LCOR: variants seen among roughly 807,000 people sequenced by gnomAD.
LCOR encodes ligand-dependent corepressor.
A neutral mutation model predicts 64.4 loss-of-function variants in LCOR; 14 were observed. That is an observed-to-expected ratio of 0.22 (90% CI 0.14 to 0.34). The LOEUF is 0.34. Ranked by LOEUF, LCOR falls within the 10% of genes least tolerant of loss-of-function variation. The pLI is 1.00. For synonymous variants in LCOR, 643 were observed against 642.5 expected, an observed-to-expected ratio of 1.00 and a Z score of -0.01; for missense variants, 1,686 against 1,765.3, an observed-to-expected ratio of 0.96 and a Z score of 0.80.
At chr10:96,859,646 C>T (rs914057029) in intron 2 of LCOR, among the ~76,000 whole-genome samples, 1 of 152,054 alleles carries the variant, frequency 6.6e-6, no homozygotes, top group African/African-American at 2.4e-5. Context: ...CAAACTCTGG[C>T]TTCTAGGTTA....
chr10:96,911,942 T>C (rs1273975378), intron 4 of LCOR, among the ~76,000 whole-genome samples: 1 of 151,896 alleles, frequency 6.6e-6, no homozygotes, highest in African/African-American at 2.4e-5. Flanking sequence ...CTTTCTTTCT[T>C]TTTTTTTGTG....
intron 7 of LCOR, among the ~76,000 whole-genome samples, chr10:96,953,277 C>T (rs1260294951): frequency 2.6e-5 from 4 of 151,918 alleles, no homozygotes; most frequent in South Asian, 2.1e-4. Context: ...TTGAGCCGGG[C>T]GTGGTGGCTC....
intron 7 of LCOR, chr10:96,957,046 G>A: frequency 1.0e-6 from 1 of 985,268 alleles, no homozygotes; most frequent in East Asian, 1.1e-4. Context: ...AAACCCCAAG[G>A]TAACCCGATA....
At chr10:96,966,378 G>A (rs1847951289) in intron 7 of LCOR, among the ~76,000 whole-genome samples, 1 of 151,608 alleles carries the variant, frequency 6.6e-6, no homozygotes, top group Non-Finnish European at 1.5e-5. Context: ...ACAGGCGCCC[G>A]CCAACACGCC....
At position 96,903,803 on chromosome 10, in the gene LCOR, T is replaced by A. The variant is rs149955492; in HGVS notation, c.-329-3462T>A. On this transcript the variant is annotated intron_variant, in intron 2 of 7. Coordinates refer to ENST00000421806, the MANE Select transcript of LCOR (RefSeq NM_001346516.2). ...TGTTTTCGAGAGCTGTGTGATTAAA[T>A]CGGAAGCTAATCAGGCATGTGAAGC... Among the ~76,000 whole-genome samples the A allele has an allele frequency of 1.2e-3, 183 of 152,310 alleles. 1 individual carries two copies. Among genetic ancestry groups the A allele is most frequent in the African/African-American group, 4.2e-3 (175 of 41,574 alleles).
chr10:96,860,086 C>T (rs1845863656), intron 2 of LCOR, among the ~76,000 whole-genome samples: 1 of 152,098 alleles, frequency 6.6e-6, no homozygotes, highest in South Asian at 2.1e-4. Context: ...ATGCTGTTAT[C>T]TAACAGAAAT....
At chr10:96,888,674 T>C (rs1293394307) in intron 2 of LCOR, among the ~76,000 whole-genome samples, 1 of 152,182 alleles carries the variant, frequency 6.6e-6, no homozygotes, top group East Asian at 1.9e-4. Context: ...AAATTTTATT[T>C]TTTAAATTAA....
chr10:96,854,395 G>A (rs776312272), intron 2 of LCOR, among the ~76,000 whole-genome samples: 2 of 152,174 alleles, frequency 1.3e-5, no homozygotes, highest in Admixed American at 6.5e-5. Flanking sequence ...GCGTGATCTC[G>A]GCTCAACCAC....
rs1758138053 is a variant in LCOR at position 96,985,937 on chromosome 10, T to C, written c.*803T>C. 6.0e-6 allele frequency: 1 copy of C among 167,098 alleles called. No individual in the cohort carries two copies. The highest frequency in any genetic ancestry group is 1.5e-5 in the Non-Finnish European group (1 of 68,116). 10.4% of individuals were successfully genotyped at this position (167,098 alleles called of 1,614,324 possible). A position where few individuals can be genotyped will look rare whatever the true frequency, so the allele number is the denominator to read the frequency against. The stretch of plus-strand genomic sequence containing the variant: ...TCATTTCTGGTCTTGCTAGCACTCC[T>C]GCAAGGCTTCCATCCTACTTCGGGA... On this transcript the variant is annotated 3_prime_UTR_variant, in exon 8 of 8. Coordinates refer to ENST00000421806, the MANE Select transcript of LCOR (RefSeq NM_001346516.2).
chr10:96,958,088 T>G (rs1847814014), intron 7 of LCOR: 1 of 1,085,356 alleles, frequency 9.2e-7, no homozygotes, highest in South Asian at 4.4e-5. Context: ...ACTCAAGAAT[T>G]TGTCAGCACA....
intron 4 of LCOR, among the ~76,000 whole-genome samples, chr10:96,937,281 C>CT (rs1326062595): frequency 6.6e-6 from 1 of 152,196 alleles, no homozygotes; most frequent in Non-Finnish European, 1.5e-5. Context: ...AGGAAGGACT[C>CT]TTCTCTAGAC....
intron 2 of LCOR, among the ~76,000 whole-genome samples, chr10:96,841,559 C>A (rs1030782529): frequency 2.0e-5 from 3 of 151,922 alleles, no homozygotes; most frequent in Admixed American, 1.3e-4. Context: ...CGGGGTTTCA[C>A]CATGTTGGCC....
intron 2 of LCOR, among the ~76,000 whole-genome samples, chr10:96,893,916 C>G (rs1355202230): frequency 2.6e-5 from 4 of 152,180 alleles, no homozygotes; most frequent in Admixed American, 1.3e-4. Context: ...TACACTACAA[C>G]AGTGAATGTA....
Position 96,982,783 on chromosome 10 carries a change from G to A in LCOR, c.2323G>A (p.Gly775Arg), listed in dbSNP as rs759186456. The A allele has an allele frequency of 6.2e-6, 10 of 1,613,980 alleles. No homozygotes were observed. In the Admixed American group the frequency reaches 1.3e-4, roughly 22 times the overall value. ...EAAGGIGKLEGEDGDVKCLSE... is the reference protein window; with the variant it reads ...EAAGGIGKLEREDGDVKCLSE... ...AGCAGGTGGTATAGGAAAATTAGAG[G>A]GAGAGGACGGTGATGTAAAATGCCT... The change falls in exon 8 of 8, where the codon GGA becomes AGA. Residue 775 changes from glycine to arginine, a missense_variant. Gly to Arg is a moderately radical substitution (Grantham distance 125). Transcript: ENST00000421806.
Position 96,854,099 on chromosome 10 carries a change from G to A in LCOR, c.-330+20620G>A, listed in dbSNP as rs767913379. On this transcript the variant is annotated intron_variant, in intron 2 of 7. Transcript: ENST00000421806. Reference sequence around the variant, plus strand: ...TATCACCCTGGCATGACAGAAATACGCAAAGAATTTGGAAATAAGCACCTT... The same window carrying A: ...TATCACCCTGGCATGACAGAAATACACAAAGAATTTGGAAATAAGCACCTT... Among the ~76,000 whole-genome samples, 9 of 152,070 alleles carry A rather than the reference G, an allele frequency of 5.9e-5. No homozygotes were observed. In the South Asian group the frequency reaches 8.3e-4, roughly 14 times the overall value.
chr10:96,960,084 T>G (rs913751509), intron 7 of LCOR: 1 of 152,188 alleles, frequency 6.6e-6, no homozygotes, highest in African/African-American at 2.4e-5. Flanking sequence ...AGTTCCCAAG[T>G]TTTGGAGAGA....
At position 96,892,332 on chromosome 10, in the gene LCOR, TA is replaced by T. The variant is rs1846459533; in HGVS notation, c.-329-14931del. Among the ~76,000 whole-genome samples, 3 of 152,210 alleles carry T rather than the reference TA, an allele frequency of 2.0e-5. No homozygotes were observed. In the South Asian group the frequency reaches 6.2e-4, roughly 31 times the overall value. The stretch of plus-strand genomic sequence containing the variant: ...TTCTTGATTGACTCTTATCATTATA[TA>T]ATGTCCTTTGTCTTTTTAAGTAGTT... On this transcript the variant is annotated intron_variant, in intron 2 of 7. Transcript: ENST00000421806.
chr10:96,909,955 C>T (rs1846800105), intron 4 of LCOR, among the ~76,000 whole-genome samples: 1 of 152,058 alleles, frequency 6.6e-6, no homozygotes, highest in East Asian at 1.9e-4. Context: ...AAAGAAGAAA[C>T]AGTTACTAAT....
chr10:96,913,822 G>A lies in LCOR; in HGVS notation c.-184+6075G>A, dbSNP rs141471718. On this transcript the variant is annotated intron_variant, in intron 4 of 7. Transcript: ENST00000421806. ...GCCTGTAATTCCAGCTACTTGAGAG[G>A]CACGAGAATCGTTTGAACCTAGGAG... is the stretch of plus-strand genomic sequence containing the variant. Among the ~76,000 whole-genome samples the A allele has an allele frequency of 3.4e-3, 522 of 152,154 alleles. 3 individuals are homozygous for A. Among genetic ancestry groups the A allele is most frequent in the African/African-American group, 0.012 (481 of 41,486 alleles).
Sources: gnomAD v4.1 joint callset for allele counts (sites outside exome capture counted in the v4.1 genomes callset) on GRCh38, gnomAD v4.1.1 for gene constraint, MANE v1.5 for transcripts, NCBI Gene and HGNC (gene_info 2026-07-23, HGNC 2026-07-21) for gene names.